NSMF: variants seen among roughly 807,000 people sequenced by gnomAD.
NSMF encodes nasal embryonic LHRH factor.
A neutral mutation model predicts 71.0 loss-of-function variants in NSMF; 31 were observed. That is an observed-to-expected ratio of 0.44 (90% CI 0.33 to 0.59). NSMF has a LOEUF of 0.59. Ranked by LOEUF, NSMF falls within the 20% of genes least tolerant of loss-of-function variation. The probability of loss-of-function intolerance (pLI) is 0.04; values close to 1 mark genes in which losing one functional copy is unlikely to be tolerated. For missense variants in NSMF, 673 were observed against 740.5 expected (o/e 0.91, Z 1.06); for synonymous variants, 345 against 287.1 (o/e 1.20, Z -2.04).
chr9:137,458,141 G>C (rs998489665), intron 2 of NSMF, among the ~76,000 whole-genome samples: 16 of 152,314 alleles, frequency 1.1e-4, no homozygotes, highest in Admixed American at 1.0e-3. Flanking sequence ...TGCCGGGTAG[G>C]AACACGCAGG....
Position 137,459,283 on chromosome 9 carries a change from G to A in NSMF, c.-181C>T, listed in dbSNP as rs963391708. On this transcript the variant is annotated 5_prime_UTR_variant, in exon 1 of 16. Coordinates refer to ENST00000371475, the MANE Select transcript of NSMF (RefSeq NM_001130969.3). ...GGTCGGGCCCGGTCCCCGCATGGCCGCACCCGGCGCTCCGCGCGTGCCGCC... is the reference window on the plus strand; with the variant it reads ...GGTCGGGCCCGGTCCCCGCATGGCCACACCCGGCGCTCCGCGCGTGCCGCC... 8 of 232,220 alleles carry A rather than the reference G, an allele frequency of 3.4e-5. No individual in the cohort carries two copies. The highest frequency in any genetic ancestry group is 5.8e-5 in the Non-Finnish European group (8 of 138,864). 14.4% of individuals were successfully genotyped at this position (232,220 alleles called of 1,614,324 possible). A position where few individuals can be genotyped will look rare whatever the true frequency, so the allele number is the denominator to read the frequency against.
intron 6 of NSMF, 86 bp downstream of exon 6, chr9:137,455,153 T>C: frequency 7.1e-7 from 1 of 1,411,750 alleles, no homozygotes; most frequent in Non-Finnish European, 1.0e-6. Context: ...CCTTCCCCCA[T>C]CAGGTCTGCC....
In NSMF at chr9:137,454,920, C is replaced by T. The variant is rs557986631; in HGVS notation, c.779+319G>A. On this transcript the variant is annotated intron_variant, in intron 6 of 15. Transcript: ENST00000371475. The stretch of plus-strand genomic sequence containing the variant: ...GTCCTCTCCTCCACCAAACTTTGGA[C>T]CCTGCCAAGGCCCAACATCCAAAAC... The T allele has an allele frequency of 1.0e-5, 7 of 702,246 alleles. No homozygotes were observed. In the South Asian group the frequency reaches 1.2e-4, roughly 12 times the overall value. 43.5% of individuals were successfully genotyped at this position (702,246 alleles called of 1,614,324 possible).
At position 137,457,653 on chromosome 9, in the gene NSMF, G is replaced by A. The variant is rs1055992478; in HGVS notation, c.382C>T (p.Arg128Trp). 3.9e-6 allele frequency: 6 copies of A among 1,549,332 alleles called. No homozygotes were observed. Among genetic ancestry groups the A allele is most frequent in the South Asian group, 2.4e-5 (2 of 84,170 alleles). ...CTGTGATGGTGAGGGTGCCGCTGCCGCCGCCCCTTCACCACCGCCAGCTCA... is the reference window on the plus strand; with the variant it reads ...CTGTGATGGTGAGGGTGCCGCTGCCACCGCCCCTTCACCACCGCCAGCTCA... ...AIELAVVKGR[R>W]QRHPHHHSQP... The change falls in exon 3 of 16, where the codon CGG becomes TGG. Residue 128 changes from arginine to tryptophan, a missense_variant. Transcript: ENST00000371475.
intron 6 of NSMF, chr9:137,455,038 C>A: frequency 1.4e-6 from 1 of 736,130 alleles, no homozygotes; most frequent in African/African-American, 1.7e-5. Context: ...CACGTGCCCT[C>A]GGAGTGCAGG....
At chr9:137,454,888 G>A in intron 6 of NSMF, 1 of 420,992 alleles carries the variant, frequency 2.4e-6, no homozygotes, top group Non-Finnish European at 3.2e-6. Flanking sequence ...AGCCACCTCA[G>A]GGGCAGGTCC....
At position 137,458,778 on chromosome 9, in the gene NSMF, C is replaced by G. The variant is rs1050598619; in HGVS notation, c.72-229G>C. On this transcript the variant is annotated intron_variant, in intron 1 of 15. Coordinates refer to ENST00000371475, the MANE Select transcript of NSMF (RefSeq NM_001130969.3). The stretch of plus-strand genomic sequence containing the variant: ...CGTGGAGAGGGGTCGCGAGGCCGGT[C>G]GGCTGCTGTTCCCCGGGGGAACCGA... 9.5e-4 allele frequency among the ~76,000 whole-genome samples: 145 copies of G among 152,240 alleles called. 1 individual carries two copies. The highest frequency in any genetic ancestry group is 3.3e-3 in the Admixed American group (51 of 15,304).
chr9:137,453,509 G>T lies in NSMF; in HGVS notation c.922+222C>A. 1 of 600,244 alleles carries T rather than the reference G, an allele frequency of 1.7e-6. No homozygotes were observed. Among genetic ancestry groups the T allele is most frequent in the South Asian group, 2.0e-5 (1 of 49,904 alleles). The allele number at this position is 600,244 out of a possible 1,614,324, so 37.2% of individuals were successfully genotyped here. On this transcript the variant is annotated intron_variant, in intron 8 of 15. Coordinates refer to ENST00000371475, the MANE Select transcript of NSMF (RefSeq NM_001130969.3). The surrounding 1 kb of genome is among the most constrained non-coding windows in gnomAD (Gnocchi z 4.5). ...TGAGGGCCTCTTGCGAGTGGCGGTG[G>T]GCACGGCCCTACAGGCGCCCCCGGC...
chr9:137,449,635 C>G lies in NSMF; in HGVS notation c.1459G>C (p.Val487Leu). Residue 487 changes from valine (V) to leucine (L), a missense_variant, in exon 15 of 16, where the codon GTC becomes CTC. Coordinates refer to ENST00000371475, the MANE Select transcript of NSMF (RefSeq NM_001130969.3). ...NLRTLMTPYR[V>L]TFESPLELSA... ...AGCTCCAGGGGTGACTCGAAGGTGA[C>G]CCTATAAGGAGTCATGAGGGTCCTG... is the stretch of plus-strand genomic sequence containing the variant. 1 of 1,612,668 alleles carries G rather than the reference C, an allele frequency of 6.2e-7. No homozygotes were observed. Among genetic ancestry groups the G allele is most frequent in the Non-Finnish European group, 8.5e-7 (1 of 1,179,796 alleles).
At position 137,449,245 on chromosome 9, in the gene NSMF, AG is replaced by A; in HGVS notation, c.*148del. On this transcript the variant is annotated 3_prime_UTR_variant, in exon 16 of 16. Transcript: ENST00000371475. ...GGGTGCAGCGAGGACCGGAACCCAC[AG>A]GGGGAACCTGAGCAACGTCTGAGGT... is the stretch of plus-strand genomic sequence containing the variant. 1 of 695,920 alleles carries A rather than the reference AG, an allele frequency of 1.4e-6. No individual in the cohort carries two copies. The highest frequency in any genetic ancestry group is 1.6e-5 in the South Asian group (1 of 63,994). 43.1% of individuals were successfully genotyped at this position (695,920 alleles called of 1,614,324 possible).
chr9:137,458,402 C>T (rs1166734302), intron 2 of NSMF, 86 bp downstream of exon 2: 6 of 1,248,126 alleles, frequency 4.8e-6, no homozygotes, highest in Non-Finnish European at 6.8e-6. Flanking sequence ...ACCAATGCCC[C>T]TCACGCTCCA....
chr9:137,455,509 G>C, intron 5 of NSMF, 120 bp downstream of exon 5: 1 of 1,275,918 alleles, frequency 7.8e-7, no homozygotes, highest in Non-Finnish European at 1.1e-6. Context: ...AGCCAGGCCC[G>C]CAGAGAGCGG....
rs942911101 is a variant in NSMF, at chr9:137,448,883, C to A, written c.*511G>T. The A allele has an allele frequency of 8.4e-6, 2 of 239,508 alleles. No homozygotes were observed. Among genetic ancestry groups the A allele is most frequent in the Non-Finnish European group, 8.4e-6 (1 of 119,614 alleles). 14.8% of individuals were successfully genotyped at this position (239,508 alleles called of 1,614,324 possible). On this transcript the variant is annotated 3_prime_UTR_variant, in exon 16 of 16. Transcript: ENST00000371475. The surrounding 1 kb of genome is among the most constrained non-coding windows in gnomAD (Gnocchi z 5.3). ...GGCTGGGCAGCCCGGCGACGCTGGCCCCACGCACACGGGCCACCCTGGTGC... is the reference window on the plus strand; with the variant it reads ...GGCTGGGCAGCCCGGCGACGCTGGCACCACGCACACGGGCCACCCTGGTGC...
chr9:137,452,496 T>A, intron 11 of NSMF, 57 bp downstream of exon 11: 1 of 1,612,080 alleles, frequency 6.2e-7, no homozygotes, highest in Admixed American at 1.7e-5. Context: ...CACCCCCACC[T>A]GTGTCTGCCC....
At position 137,449,095 on chromosome 9, in the gene NSMF, A is replaced by G. The variant is rs939497265; in HGVS notation, c.*299T>C. The G allele has an allele frequency of 7.3e-5, 40 of 549,178 alleles. No homozygotes were observed. The highest frequency in any genetic ancestry group is 1.9e-5 in the African/African-American group (1 of 52,786). The allele number at this position is 549,178 out of a possible 1,614,324, so 34.0% of individuals were successfully genotyped here. A position where few individuals can be genotyped will look rare whatever the true frequency, so the allele number is the denominator to read the frequency against. ...AATTGCACTTATTTCTATGAACCCC[A>G]TGGAGGGATGCCCACAGCTGAGCCT... is the stretch of plus-strand genomic sequence containing the variant. On this transcript the variant is annotated 3_prime_UTR_variant, in exon 16 of 16. Transcript: ENST00000371475.
Position 137,457,620 on chromosome 9 carries a change from G to A in NSMF, c.415C>T (p.Leu139=). The A allele has an allele frequency of 6.5e-7, 1 of 1,550,182 alleles. No individual in the cohort carries two copies. The highest frequency in any genetic ancestry group is 8.7e-7 in the Non-Finnish European group (1 of 1,146,586). The change falls in exon 3 of 16, where the codon CTG becomes TTG. Residue 139 remains leucine (L), a synonymous_variant. Coordinates refer to ENST00000371475, the MANE Select transcript of NSMF (RefSeq NM_001130969.3). ...CGGCTGCCACCAGGGCTGGCGCGCAGGGGCTGGCTGTGATGGTGAGGGTGC... is the reference window on the plus strand; with the variant it reads ...CGGCTGCCACCAGGGCTGGCGCGCAAGGGCTGGCTGTGATGGTGAGGGTGC... ...QRHPHHHSQP[L]RASPGGSRED... is the part of the protein sequence containing the mutation.
chr9:137,457,267 G>A (rs1458583573), intron 3 of NSMF, 140 bp downstream of exon 3: 16 of 1,246,660 alleles, frequency 1.3e-5, no homozygotes, highest in East Asian at 9.9e-5. Context: ...GAAGCCTGCC[G>A]GTTTTAATCT....
In NSMF at chr9:137,459,202, G is replaced by C. The variant is rs1432648685; in HGVS notation, c.-100C>G. 2.2e-6 allele frequency: 2 copies of C among 902,650 alleles called. No homozygotes were observed. Among genetic ancestry groups the C allele is most frequent in the Non-Finnish European group, 2.7e-6 (2 of 730,166 alleles). The allele number at this position is 902,650 out of a possible 1,614,324, so 55.9% of individuals were successfully genotyped here. A position where few individuals can be genotyped will look rare whatever the true frequency, so the allele number is the denominator to read the frequency against. On this transcript the variant is annotated 5_prime_UTR_variant, in exon 1 of 16. Transcript: ENST00000371475. ...CGCACCGGGGGTCGCGCTCGGGCTC[G>C]GGCTCGGGGTCTCGCTCGGGCTCCG...
intron 9 of NSMF, 107 bp from the exon 10 acceptor site, chr9:137,452,926 T>A: frequency 6.4e-7 from 1 of 1,556,184 alleles, no homozygotes; most frequent in Non-Finnish European, 8.8e-7. Context: ...CCCAAGGGTA[T>A]AGCCCTGTGA....
Sources: allele counts gnomAD v4.1 joint callset (sites outside exome capture counted in the v4.1 genomes callset), GRCh38; gene constraint gnomAD v4.1.1; non-coding constraint Gnocchi (gnomAD v3.1); transcripts MANE v1.5; gene names NCBI Gene and HGNC (gene_info 2026-07-23, HGNC 2026-07-21).